The following LRMDA variants were observed in gnomAD, a reference collection of about 807,000 sequenced individuals.
LRMDA encodes leucine-rich melanocyte differentiation-associated protein.
Under a neutral mutation model 29.8 loss-of-function variants are expected in LRMDA, and 18 were observed. That is an observed-to-expected ratio of 0.60 (90% confidence interval 0.42 to 0.90). The LOEUF is 0.90. LRMDA is among the 40% of genes least tolerant of loss of function. The pLI is 0.00. For missense variants in LRMDA, 273 were observed against 273.9 expected, an observed-to-expected ratio of 1.00 and a Z score of 0.02; for synonymous variants, 125 against 109.4, an observed-to-expected ratio of 1.14 and a Z score of -0.89.
At chr10:75,504,351 A>G (rs1845148447) in intron 2 of LRMDA, among the ~76,000 whole-genome samples, 2 of 152,166 alleles carry the variant, frequency 1.3e-5, no homozygotes, top group South Asian at 4.1e-4. Flanking sequence ...TTCAGGAGGG[A>G]GCTCAACACA....
intron 6 of LRMDA, among the ~76,000 whole-genome samples, chr10:76,507,049 A>G (rs1842966052): frequency 6.6e-6 from 1 of 152,048 alleles, no homozygotes; most frequent in African/African-American, 2.4e-5. Context: ...GCTAATTCTA[A>G]TTCCCACCGT....
intron 2 of LRMDA, among the ~76,000 whole-genome samples, chr10:75,784,784 G>C (rs1335566925): frequency 1.3e-5 from 2 of 152,000 alleles, no homozygotes; most frequent in East Asian, 1.9e-4. Flanking sequence ...AACATATTTA[G>C]ATATAGAAAT....
chr10:75,721,808 T>G (rs935404600), intron 2 of LRMDA, among the ~76,000 whole-genome samples: 22 of 152,230 alleles, frequency 1.4e-4, no homozygotes, highest in African/African-American at 5.1e-4. Flanking sequence ...TAAGTTTTAT[T>G]GTAGTAATAA....
chr10:75,978,978 C>T (rs1300735640), intron 2 of LRMDA, among the ~76,000 whole-genome samples: 1 of 152,086 alleles, frequency 6.6e-6, no homozygotes, highest in Admixed American at 6.6e-5. Flanking sequence ...CTGTAACCTG[C>T]CACTTATTGG....
intron 2 of LRMDA, among the ~76,000 whole-genome samples, chr10:75,971,852 CT>C (rs1242041045): frequency 2.6e-5 from 4 of 152,238 alleles, no homozygotes; most frequent in African/African-American, 9.6e-5. Context: ...AAATGGGAGC[CT>C]TTGAAACATG....
intron 5 of LRMDA, among the ~76,000 whole-genome samples, chr10:76,078,941 G>A (rs747439188): frequency 1.8e-4 from 28 of 152,222 alleles, no homozygotes; most frequent in Non-Finnish European, 3.8e-4. Flanking sequence ...CCAAGCCTCA[G>A]TTTTTCCATT....
intron 2 of LRMDA, among the ~76,000 whole-genome samples, chr10:75,700,589 G>A (rs191296067): frequency 1.3e-5 from 2 of 152,040 alleles, no homozygotes; most frequent in Admixed American, 1.3e-4. Flanking sequence ...TGTATGTTGT[G>A]TATATTTTAT....
At chr10:76,152,157 CA>C (rs1850457701) in intron 5 of LRMDA, among the ~76,000 whole-genome samples, 1 of 152,166 alleles carries the variant, frequency 6.6e-6, no homozygotes, top group Non-Finnish European at 1.5e-5. Context: ...ACCCCTTAAC[CA>C]TTTATACTTA....
chr10:76,214,560 G>C (rs1267545995), intron 5 of LRMDA, among the ~76,000 whole-genome samples: 10 of 151,882 alleles, frequency 6.6e-5, no homozygotes. Flanking sequence ...TAGCCAGGAT[G>C]GTCTCGATCT....
At chr10:76,438,086 A>G (rs1215022765) in intron 6 of LRMDA, among the ~76,000 whole-genome samples, 1 of 152,184 alleles carries the variant, frequency 6.6e-6, no homozygotes, top group African/African-American at 2.4e-5. Flanking sequence ...GACATTATCA[A>G]AACACAGACG....
chr10:76,388,297 A>G (rs1191659725), intron 6 of LRMDA, among the ~76,000 whole-genome samples: 1 of 152,190 alleles, frequency 6.6e-6, no homozygotes, highest in African/African-American at 2.4e-5. Flanking sequence ...TATTCAGCTC[A>G]TGGTTTCTGT....
intron 5 of LRMDA, among the ~76,000 whole-genome samples, chr10:76,145,710 A>G (rs1850303138): frequency 6.6e-6 from 1 of 151,648 alleles, no homozygotes; most frequent in African/African-American, 2.4e-5. Context: ...CTCTGATCTT[A>G]GTTATTTCTT....
chr10:76,431,945 G>A (rs1328153338), intron 6 of LRMDA, among the ~76,000 whole-genome samples: 3 of 152,138 alleles, frequency 2.0e-5, no homozygotes, highest in African/African-American at 4.8e-5. Flanking sequence ...TTCACCTTCT[G>A]CCATGATTGT....
At chr10:76,243,126 C>T (rs1245232862) in intron 5 of LRMDA, among the ~76,000 whole-genome samples, 1 of 152,146 alleles carries the variant, frequency 6.6e-6, no homozygotes, top group African/African-American at 2.4e-5. Context: ...TGGCAGGCAC[C>T]CAGTGATTCT....
intron 2 of LRMDA, among the ~76,000 whole-genome samples, chr10:75,495,697 G>A (rs1479910017): frequency 6.6e-6 from 1 of 152,168 alleles, no homozygotes; most frequent in Non-Finnish European, 1.5e-5. Flanking sequence ...CCTCATAGAA[G>A]TCCCTGGAAT....
At chr10:76,299,204 C>G (rs886985013) in intron 5 of LRMDA, among the ~76,000 whole-genome samples, 1 of 149,132 alleles carries the variant, frequency 6.7e-6, no homozygotes, top group Admixed American at 6.7e-5. Context: ...CACGCACGCG[C>G]AATATGTTTT....
chr10:76,370,886 A>C (rs537615679), intron 6 of LRMDA, among the ~76,000 whole-genome samples: 1 of 152,242 alleles, frequency 6.6e-6, no homozygotes, highest in African/African-American at 2.4e-5. Flanking sequence ...TCAGTATTAC[A>C]TGTGGTTTCA....
chr10:76,336,943 AC>A (rs996886241), intron 6 of LRMDA, among the ~76,000 whole-genome samples: 1 of 150,018 alleles, frequency 6.7e-6, no homozygotes, highest in African/African-American at 2.5e-5. Context: ...ATTTCTCCCC[AC>A]CCCCCTTTTT....
chr10:76,445,026 T>C (rs534950563), intron 6 of LRMDA, among the ~76,000 whole-genome samples: 4 of 152,144 alleles, frequency 2.6e-5, no homozygotes, highest in Non-Finnish European at 5.9e-5. Context: ...AGTGTGCCTA[T>C]GAAGGACAAA....
Sources: allele counts gnomAD v4.1 joint callset (sites outside exome capture counted in the v4.1 genomes callset), GRCh38; gene constraint gnomAD v4.1.1; transcripts MANE v1.5; gene names NCBI Gene and HGNC (gene_info 2026-07-23, HGNC 2026-07-21).